Variants in CEP72 observed in about 807,000 individuals in gnomAD.
The protein encoded by CEP72 is centrosomal protein 72.
CEP72 carries 78 observed loss-of-function variants against 65.7 expected under a neutral mutation model. The observed-to-expected ratio is 1.19, with a 90% CI of 0.99 to 1.43. CEP72 has a LOEUF of 1.43. CEP72 is among the 40% of genes most tolerant of loss of function. The pLI is 0.00. For synonymous variants in CEP72, 358 were observed against 351.7 expected (o/e 1.02, Z -0.20); for missense variants, 914 against 832.9 (o/e 1.10, Z -1.20).
Position 633,340 on chromosome 5 carries a change from G to C in CEP72, c.513-429G>C, listed in dbSNP as rs1737342098. On this transcript the variant is annotated intron_variant, in intron 4 of 11. Transcript: ENST00000264935. ...TTTGGCCCAGTCCTGGTGGGGTTCT[G>C]TCCAGTGCCAGGATTTAGTCCCGTC... Among the ~76,000 whole-genome samples, 2 of 125,906 alleles carry C rather than the reference G, an allele frequency of 1.6e-5. 1 individual carries two copies. Among genetic ancestry groups the C allele is most frequent in the Admixed American group, 1.7e-4 (2 of 11,926 alleles). The allele number at this position is 125,906 out of a possible 152,430, so 82.6% of individuals were successfully genotyped here. A position where few individuals can be genotyped will look rare whatever the true frequency, so the allele number is the denominator to read the frequency against.
At chr5:649,992 GGACTGTGAGGCGTGGACTGTGAGGTGT>G in intron 11 of CEP72, among the ~76,000 whole-genome samples, 2 of 93,766 alleles carry the variant, frequency 2.1e-5, no homozygotes, top group Non-Finnish European at 4.2e-5. Flanking sequence ...TGTGAGGCGT[GGACTGTGAGGCGTGGACTGTGAGGTGT>G]GACTGTGAGG....
intron 11 of CEP72, among the ~76,000 whole-genome samples, chr5:648,861 C>A (rs1351589622): frequency 1.0e-5 from 1 of 99,818 alleles, no homozygotes. Context: ...TGAGGTGTGA[C>A]TGTGAGGTGT....
intron 2 of CEP72, chr5:664,696 G>T (rs958947285): frequency 1.0e-5 from 2 of 196,092 alleles, no homozygotes; most frequent in Non-Finnish European, 2.1e-5. Context: ...GCTGGTTGGG[G>T]TTAGCTCCTG....
chr5:633,386 G>GC (rs367895909), intron 4 of CEP72, among the ~76,000 whole-genome samples: 21,227 of 113,048 alleles, frequency 0.19, 2,353 homozygotes, highest in East Asian at 0.35. Context: ...TCTGTCCAGT[G>GC]CTGGATTTGA....
downstream of CEP72, among the ~76,000 whole-genome samples, chr5:671,199 T>C (rs1740210399): frequency 6.6e-6 from 1 of 151,498 alleles, no homozygotes; most frequent in Admixed American, 6.6e-5. Context: ...ACCCTGCGCT[T>C]GCTGCTAATT....
intron 10 of CEP72, among the ~76,000 whole-genome samples, chr5:647,115 T>C (rs1738478769): frequency 1.3e-5 from 2 of 152,236 alleles, no homozygotes; most frequent in Non-Finnish European, 2.9e-5. Context: ...CACTGCTGCC[T>C]TGTGGGTGAG....
chr5:647,194 C>T lies in CEP72; in HGVS notation c.1667-611C>T, dbSNP rs76722831. On this transcript the variant is annotated intron_variant, in intron 10 of 11. Transcript: ENST00000264935. ...TTCCCCACCTCTGGCTTTCTCACTG[C>T]CTCTGTCACTGTGTGGTTTTGCAAG... is the stretch of plus-strand genomic sequence containing the variant. Among the ~76,000 whole-genome samples the T allele has an allele frequency of 5.5e-4, 84 of 152,328 alleles. 1 individual carries two copies. In the East Asian group the frequency reaches 0.015, roughly 28 times the overall value.
Position 651,211 on chromosome 5 carries a change from G to GAGGCGTGGACTGTGAGGTGTGAC in CEP72, c.1779-1777_1779-1776insAGGCGTGGACTGTGAGGTGTGAC. Among the ~76,000 whole-genome samples, 2 of 76,476 alleles carry GAGGCGTGGACTGTGAGGTGTGAC rather than the reference G, an allele frequency of 2.6e-5. 1 individual carries two copies. The highest frequency in any genetic ancestry group is 5.4e-5 in the Non-Finnish European group (2 of 37,034). 50.2% of individuals were successfully genotyped at this position (76,476 alleles called of 152,430 possible). On this transcript the variant is annotated intron_variant, in intron 11 of 11. Coordinates refer to ENST00000264935, the MANE Select transcript of CEP72 (RefSeq NM_018140.4). Reference sequence around the variant, plus strand: ...GAGGCGTGGACTGTGAGGTGTGACTGTGAGGCGTGGACTGTGAGGTGTGAC... The same window carrying GAGGCGTGGACTGTGAGGTGTGAC: ...GAGGCGTGGACTGTGAGGTGTGACTGAGGCGTGGACTGTGAGGTGTGACTGAGGCGTGGACTGTGAGGTGTGAC...
At chr5:662,316 GGGCC>G (rs1246017510) in intron 1 of CEP72, 2 of 152,584 alleles carry the variant, frequency 1.3e-5, no homozygotes, top group African/African-American at 4.8e-5. Flanking sequence ...CTCGTGCTCA[GGGCC>G]GGTTTCTGGT....
At chr5:635,687 G>T (rs1737544855) in intron 6 of CEP72, 103 bp downstream of exon 6, 1 of 996,762 alleles carries the variant, frequency 1.0e-6, no homozygotes, top group African/African-American at 1.6e-5. Context: ...GGTTCTGGAG[G>T]CTGGGAAGTC....
intron 11 of CEP72, 128 bp downstream of exon 11, chr5:648,044 A>C: frequency 1.6e-6 from 1 of 622,616 alleles, no homozygotes; most frequent in African/African-American, 1.8e-5. Context: ...GGCCGATGAT[A>C]TCCAGGACCA....
chr5:651,335 G>GCA (rs1215004510), intron 11 of CEP72, among the ~76,000 whole-genome samples: 1 of 137,930 alleles, frequency 7.3e-6, no homozygotes, highest in African/African-American at 2.7e-5. Context: ...GGACTGTGAG[G>GCA]TGTGACTGTG....
rs1256917403 is a variant in CEP72, at chr5:624,133, G to T, written c.404-338G>T. Among the ~76,000 whole-genome samples the T allele has an allele frequency of 6.6e-6, 1 of 152,224 alleles. No homozygotes were observed. Among genetic ancestry groups the T allele is most frequent in the Non-Finnish European group, 1.5e-5 (1 of 68,044 alleles). On this transcript the variant is annotated intron_variant, in intron 3 of 11. Coordinates refer to ENST00000264935, the MANE Select transcript of CEP72 (RefSeq NM_018140.4). This position sits in a 1 kb window ranked among gnomAD's most constrained non-coding sequence, Gnocchi z 4.7. The stretch of plus-strand genomic sequence containing the variant: ...CTCGGGCCGGGCAGGCTCCCTCCGT[G>T]GAGGCTTCTCTGGGTTACCTGAGTG...
intron 7 of CEP72, 71 bp downstream of exon 7, chr5:637,889 CG>C: frequency 7.2e-7 from 1 of 1,390,126 alleles, no homozygotes; most frequent in Non-Finnish European, 9.6e-7. Flanking sequence ...ACGGCTTTGG[CG>C]GGGCCGTGAT....
the CEP72 span, among the ~76,000 whole-genome samples, chr5:674,901 C>T: frequency 6.6e-6 from 1 of 150,410 alleles, no homozygotes; most frequent in African/African-American, 2.5e-5. Context: ...ACAAGCAAGG[C>T]CTGTACTGCA....
chr5:654,243 T>A (rs1181320026), downstream of CEP72, among the ~76,000 whole-genome samples: 1 of 151,154 alleles, frequency 6.6e-6, no homozygotes, highest in Non-Finnish European at 1.5e-5. Context: ...GCTAGCTGTG[T>A]GTGCATGCTT....
intron 3 of CEP72, among the ~76,000 whole-genome samples, chr5:621,220 A>T (rs1736369415): frequency 6.6e-6 from 1 of 152,130 alleles, no homozygotes; most frequent in Admixed American, 6.5e-5. Context: ...CGCTGTTCGA[A>T]AGCTGCCCCT....
In CEP72 at chr5:624,143, C is replaced by A. The variant is rs946609022; in HGVS notation, c.404-328C>A. Among the ~76,000 whole-genome samples, 2 of 152,220 alleles carry A rather than the reference C, an allele frequency of 1.3e-5. No individual in the cohort carries two copies. Among genetic ancestry groups the A allele is most frequent in the African/African-American group, 4.8e-5 (2 of 41,456 alleles). ...GCAGGCTCCCTCCGTGGAGGCTTCT[C>A]TGGGTTACCTGAGTGTGACTTGAGA... On this transcript the variant is annotated intron_variant, in intron 3 of 11. Transcript: ENST00000264935. The surrounding 1 kb of genome is among the most constrained non-coding windows in gnomAD (Gnocchi z 4.7).
In CEP72 at chr5:628,889, G is replaced by A. The variant is rs972611787; in HGVS notation, c.512+4310G>A. ...AGCGTTCTGGAGAACTCAGGTTGCCGTCCCTGGGGAGTGGCCCCAGGACCC... is the reference window on the plus strand; with the variant it reads ...AGCGTTCTGGAGAACTCAGGTTGCCATCCCTGGGGAGTGGCCCCAGGACCC... On this transcript the variant is annotated intron_variant, in intron 4 of 11. Transcript: ENST00000264935. Among the ~76,000 whole-genome samples, 76 of 110,244 alleles carry A rather than the reference G, an allele frequency of 6.9e-4. 1 individual carries two copies. The highest frequency in any genetic ancestry group is 2.4e-3 in the African/African-American group (63 of 25,954). 72.3% of individuals were successfully genotyped at this position (110,244 alleles called of 152,430 possible).
Sources: gnomAD v4.1 joint callset for allele counts (sites outside exome capture counted in the v4.1 genomes callset) on GRCh38, gnomAD v4.1.1 for gene constraint, Gnocchi (gnomAD v3.1) non-coding constraint, MANE v1.5 for transcripts, NCBI Gene and HGNC (gene_info 2026-07-23, HGNC 2026-07-21) for gene names.